The following AGTPBP1 variants were observed in gnomAD, a reference collection of about 807,000 sequenced individuals.
AGTPBP1 encodes the protein cytosolic carboxypeptidase 1.
In AGTPBP1, 70 loss-of-function variants were observed where a neutral mutation model predicts 143.9. The ratio of observed to expected loss-of-function variants is 0.49; its 90% CI spans 0.40 to 0.59. The LOEUF (loss-of-function observed/expected upper bound fraction) is 0.59, where lower values mean the gene tolerates loss of function less well. AGTPBP1 is among the 20% of genes least tolerant of loss of function. The pLI is 0.00. For synonymous variants in AGTPBP1, 463 were observed against 500.2 expected (o/e 0.93, Z 0.99); for missense variants, 1,229 against 1,464.5 (o/e 0.84, Z 2.62).
At chr9:85,606,354 C>T (rs1299136225) in intron 17 of AGTPBP1, among the ~76,000 whole-genome samples, 1 of 150,530 alleles carries the variant, frequency 6.6e-6, no homozygotes, top group Admixed American at 6.6e-5. Flanking sequence ...CAATGAGATA[C>T]CATCTTACCC....
chr9:85,588,446 C>A lies in AGTPBP1; in HGVS notation c.2755G>T (p.Val919Leu). 1 of 1,612,004 alleles carries A rather than the reference C, an allele frequency of 6.2e-7. No individual in the cohort carries two copies. The highest frequency in any genetic ancestry group is 8.5e-7 in the Non-Finnish European group (1 of 1,179,176). The change falls in exon 21 of 26, where the codon GTA (valine) becomes TTA (leucine). Residue 919 changes from valine to leucine, a missense_variant. Val to Leu is a conservative substitution (Grantham distance 32). Around this residue, in one of 2 missense-constraint regions of AGTPBP1, gnomAD observed 486 missense variants for 652.3 expected, o/e 0.75. Transcript: ENST00000357081. ...NRPYVFLSAR[V>L]HPGETNASWV... ...CTTGCATTAGTTTCTCCAGGATGTA[C>A]CCGAGCAGACAAGAAAACGTAAGGG...
At chr9:85,689,925 A>AAAAAAAAAAAAAAATAT (rs58719163) in intron 3 of AGTPBP1, among the ~76,000 whole-genome samples, 1 of 72,516 alleles carries the variant, frequency 1.4e-5, no homozygotes, top group Non-Finnish European at 2.4e-5. Context: ...AAAAAAAAAA[A>AAAAAAAAAAAAAAATAT]ATATATATAT....
chr9:85,584,639 T>C (rs1451468409), intron 23 of AGTPBP1, among the ~76,000 whole-genome samples: 2 of 152,020 alleles, frequency 1.3e-5, no homozygotes, highest in Non-Finnish European at 2.9e-5. Context: ...TGTAATCCTT[T>C]GTAGAAGAAT....
intron 1 of AGTPBP1, among the ~76,000 whole-genome samples, chr9:85,713,674 C>G (rs534388524): frequency 1.3e-5 from 2 of 152,242 alleles, no homozygotes; most frequent in South Asian, 4.1e-4. Flanking sequence ...GGAAGATACT[C>G]TGATGAAGTA....
rs554774994 is a variant in AGTPBP1, at chr9:85,669,519, C to T, written c.628G>A (p.Gly210Arg). 1.2e-6 allele frequency: 2 copies of T among 1,611,286 alleles called. No individual in the cohort carries two copies. Among genetic ancestry groups the T allele is most frequent in the South Asian group, 1.1e-5 (1 of 90,960 alleles). Residue 210 changes from glycine (G) to arginine (R), a missense_variant, in exon 8 of 26, where the codon GGA becomes AGA. Gly to Arg is a moderately radical substitution (Grantham distance 125). This residue lies in a region of AGTPBP1 where 743 missense variants were observed against 812.2 expected (regional missense o/e 0.91). Transcript: ENST00000357081. Reference protein sequence around the residue: ...GVVELMFKIIGPFSKKNSSLI... With the variant: ...GVVELMFKIIRPFSKKNSSLI... ...CTGGAATTCTTCTTACTAAATGGTC[C>T]AATGATTTTAAACATCAGTTCCACA...
chr9:85,741,596 G>C (rs959429534), intron 1 of AGTPBP1, 179 bp downstream of exon 1: 10 of 985,382 alleles, frequency 1.0e-5, no homozygotes, highest in Non-Finnish European at 1.2e-5. Context: ...CCTCAAGACC[G>C]AGTGCGTTCC....
intron 6 of AGTPBP1, among the ~76,000 whole-genome samples, chr9:85,673,854 C>G (rs1271975098): frequency 1.3e-5 from 2 of 152,076 alleles, no homozygotes; most frequent in African/African-American, 2.4e-5. Context: ...GGCGCGGTGG[C>G]TCACGCCTGT....
At chr9:85,655,381 A>T (rs1833432290) in intron 10 of AGTPBP1, 61 bp from the exon 11 acceptor site, 15 of 1,369,960 alleles carry the variant, frequency 1.1e-5, no homozygotes, top group African/African-American at 1.5e-5. Flanking sequence ...AACCAATTTT[A>T]CTTTAGTTCA....
rs150274278 is a variant in AGTPBP1, at chr9:85,643,719, T to C, written c.1186-776A>G. Among the ~76,000 whole-genome samples the C allele has an allele frequency of 4.8e-3, 724 of 152,190 alleles. 4 individuals are homozygous for C. Among genetic ancestry groups the C allele is most frequent in the Admixed American group, 7.9e-3 (120 of 15,280 alleles). On this transcript the variant is annotated intron_variant, in intron 12 of 25. Coordinates refer to ENST00000357081, the MANE Select transcript of AGTPBP1 (RefSeq NM_001330701.2). ...AGTATGTCCTCAGAGAAACAAGATA[T>C]GTATCCAGGATCAATGTGTTCTAAA... is the stretch of plus-strand genomic sequence containing the variant.
chr9:85,756,653 C>CATTCATAGTAACAGT, the AGTPBP1 span, among the ~76,000 whole-genome samples: 1 of 152,070 alleles, frequency 6.6e-6, no homozygotes, highest in African/African-American at 2.4e-5. Flanking sequence ...TGAACATGAA[C>CATTCATAGTAACAGT]ATTCATAGTA....
At chr9:85,613,557 A>G (rs1316023874) in intron 17 of AGTPBP1, among the ~76,000 whole-genome samples, 3 of 151,778 alleles carry the variant, frequency 2.0e-5, no homozygotes, top group African/African-American at 7.2e-5. Context: ...GACTCCCTCA[A>G]CAAAAAATAA....
At chr9:85,741,464 C>T in intron 1 of AGTPBP1, 3 of 985,372 alleles carry the variant, frequency 3.0e-6, no homozygotes, top group Non-Finnish European at 3.6e-6. Flanking sequence ...AAAGGGCGGC[C>T]TCCGCCCAGA....
chr9:85,600,642 T>C (rs1829605125), intron 17 of AGTPBP1, among the ~76,000 whole-genome samples: 1 of 151,984 alleles, frequency 6.6e-6, no homozygotes, highest in Non-Finnish European at 1.5e-5. Flanking sequence ...CCTCCAATCC[T>C]AGCCAGGGGG....
At chr9:85,767,434 G>A in the AGTPBP1 span, among the ~76,000 whole-genome samples, 7 of 149,676 alleles carry the variant, frequency 4.7e-5, no homozygotes, top group African/African-American at 1.2e-4. Context: ...TACAACCTCC[G>A]CCTGCCTGGT....
intron 19 of AGTPBP1, 32 bp downstream of exon 19, chr9:85,592,528 C>A: frequency 1.4e-6 from 2 of 1,462,654 alleles, no homozygotes; most frequent in Non-Finnish European, 1.9e-6. Flanking sequence ...TTATACATAT[C>A]CATATAATAC....
At chr9:85,761,005 A>C in the AGTPBP1 span, among the ~76,000 whole-genome samples, 2 of 152,078 alleles carry the variant, frequency 1.3e-5, no homozygotes, top group South Asian at 2.1e-4. Context: ...TCATGAGTGA[A>C]CTCCCATTCA....
At chr9:85,559,061 G>C (rs1381834815) in intron 25 of AGTPBP1, among the ~76,000 whole-genome samples, 1 of 152,074 alleles carries the variant, frequency 6.6e-6, no homozygotes, top group African/African-American at 2.4e-5. Flanking sequence ...TTTAAATGAA[G>C]GTCACTGAAA....
the AGTPBP1 span, among the ~76,000 whole-genome samples, chr9:85,764,445 G>A: frequency 1.2e-4 from 18 of 152,132 alleles, no homozygotes; most frequent in Admixed American, 7.9e-4. Flanking sequence ...CAGGAGAATC[G>A]CTTGAACCTG....
intron 2 of AGTPBP1, among the ~76,000 whole-genome samples, chr9:85,707,150 T>C (rs186282145): frequency 1.3e-5 from 2 of 152,194 alleles, no homozygotes; most frequent in East Asian, 1.9e-4. Flanking sequence ...AAATAACCCA[T>C]GGATCAAAGA....
Sources: allele counts gnomAD v4.1 joint callset (sites outside exome capture counted in the v4.1 genomes callset), GRCh38; gene constraint gnomAD v4.1.1; regional missense constraint gnomAD v4.1.1; transcripts MANE v1.5; gene names NCBI Gene and HGNC (gene_info 2026-07-23, HGNC 2026-07-21).